STAM: variants seen among roughly 807,000 people sequenced by gnomAD.
STAM encodes signal transducing adapter molecule 1.
STAM carries 16 observed loss-of-function variants against 63.4 expected under a neutral mutation model. The ratio of observed to expected loss-of-function variants is 0.25; its 90% CI spans 0.17 to 0.38. The LOEUF (loss-of-function observed/expected upper bound fraction) is 0.38. Ranked by LOEUF, STAM falls within the 10% of genes least tolerant of loss-of-function variation. The probability of loss-of-function intolerance (pLI) is 1.00; values close to 1 mark genes in which losing one functional copy is unlikely to be tolerated. For missense variants in STAM, 636 were observed against 657.1 expected (o/e 0.97, Z 0.35); for synonymous variants, 238 against 223.9 (o/e 1.06, Z -0.56).
chr10:17,655,593 C>T (rs1394963318), intron 1 of STAM, among the ~76,000 whole-genome samples: 2 of 152,190 alleles, frequency 1.3e-5, no homozygotes, highest in Non-Finnish European at 2.9e-5. Context: ...TGCGATTAAA[C>T]TCACTTGACG....
chr10:17,671,499 A>G (rs973638183), intron 2 of STAM, among the ~76,000 whole-genome samples: 2 of 152,178 alleles, frequency 1.3e-5, no homozygotes, highest in Admixed American at 6.5e-5. Context: ...CTACTGTATC[A>G]CAATGCTTCT....
chr10:17,663,333 C>T (rs1228445910), intron 2 of STAM, among the ~76,000 whole-genome samples: 2 of 152,072 alleles, frequency 1.3e-5, no homozygotes, highest in Admixed American at 6.5e-5. Context: ...GGTTTAGACA[C>T]ATGCTCATTT....
At chr10:17,669,847 G>A (rs1230795649) in intron 2 of STAM, among the ~76,000 whole-genome samples, 4 of 148,544 alleles carry the variant, frequency 2.7e-5, no homozygotes, top group African/African-American at 5.0e-5. Flanking sequence ...ACAGGCACCC[G>A]CCCCTATGCC....
intron 5 of STAM, among the ~76,000 whole-genome samples, chr10:17,690,763 T>C (rs1554826675): frequency 6.6e-6 from 1 of 152,220 alleles, no homozygotes; most frequent in Admixed American, 6.5e-5. Flanking sequence ...AGAAAAGTGA[T>C]AAAGTCACCT....
rs3832661 is a variant in STAM, at chr10:17,714,959, T to TCCCCCCC, written c.*181_*187dup. The TCCCCCCC allele has an allele frequency of 1.7e-6, 1 of 590,440 alleles. No individual in the cohort carries two copies. Among genetic ancestry groups the TCCCCCCC allele is most frequent in the Admixed American group, 3.0e-5 (1 of 33,142 alleles). The allele number at this position is 590,440 out of a possible 1,614,324, so 36.6% of individuals were successfully genotyped here. The stretch of plus-strand genomic sequence containing the variant: ...TTTACACTGACTTTTTAGAGGTTCT[T>TCCCCCCC]CCCCCCCCGCCCCTGCAGAGGAATG... On this transcript the variant is annotated 3_prime_UTR_variant, in exon 14 of 14. Transcript: ENST00000377524.
chr10:17,683,524 A>C (rs999977659), intron 2 of STAM, among the ~76,000 whole-genome samples: 4 of 151,022 alleles, frequency 2.6e-5, no homozygotes, highest in African/African-American at 7.3e-5. Context: ...AAATTTTTTC[A>C]TTTTTTTTCT....
At chr10:17,648,198 T>A (rs908090896) in intron 1 of STAM, among the ~76,000 whole-genome samples, 1 of 152,216 alleles carries the variant, frequency 6.6e-6, no homozygotes, top group African/African-American at 2.4e-5. Context: ...AGTGGGGACT[T>A]GGAGAACTTT....
rs2131681868 is a variant in STAM, at chr10:17,704,497, C to T, written c.979C>T (p.Pro327Ser). 1 of 1,614,018 alleles carries T rather than the reference C, an allele frequency of 6.2e-7. No homozygotes were observed. Among genetic ancestry groups the T allele is most frequent in the South Asian group, 1.1e-5 (1 of 91,080 alleles). Residue 327 changes from proline to serine, a missense_variant, in exon 10 of 14, where the codon CCA (proline) becomes TCA (serine). Around this residue, in one of 3 missense-constraint regions of STAM, gnomAD observed 532 missense variants for 536.9 expected, o/e 0.99. Coordinates refer to ENST00000377524, the MANE Select transcript of STAM (RefSeq NM_003473.4). ...TDPSDDQPDLPELLHLEAMCH... is the reference protein window; with the variant it reads ...TDPSDDQPDLSELLHLEAMCH... ...CCCCAGTGATGATCAGCCAGACCTA[C>T]CAGAGCTGCTTCATCTTGAAGGTAA...
chr10:17,692,096 A>G (rs555640430), intron 5 of STAM, among the ~76,000 whole-genome samples: 4 of 152,318 alleles, frequency 2.6e-5, no homozygotes, highest in African/African-American at 9.6e-5. Context: ...CATGAGGTGT[A>G]GGTGCTATTA....
intron 2 of STAM, among the ~76,000 whole-genome samples, chr10:17,678,545 C>T (rs1402244778): frequency 1.3e-5 from 2 of 152,178 alleles, no homozygotes; most frequent in Non-Finnish European, 2.9e-5. Context: ...TGAGTCACCA[C>T]GCCCAACCTC....
intron 9 of STAM, among the ~76,000 whole-genome samples, chr10:17,702,062 T>A (rs1836022790): frequency 6.6e-6 from 1 of 152,316 alleles, no homozygotes; most frequent in South Asian, 2.1e-4. Context: ...ATAGCTTGAT[T>A]ATATGAACAA....
intron 5 of STAM, among the ~76,000 whole-genome samples, chr10:17,689,232 T>C (rs1835429741): frequency 6.6e-6 from 1 of 152,246 alleles, no homozygotes; most frequent in African/African-American, 2.4e-5. Flanking sequence ...TTTACTACAC[T>C]GTCTTTCCCC....
intron 1 of STAM, among the ~76,000 whole-genome samples, chr10:17,645,342 G>T (rs1400411171): frequency 6.6e-6 from 1 of 152,054 alleles, no homozygotes; most frequent in Non-Finnish European, 1.5e-5. Context: ...TTGTCTTTGT[G>T]TATTTTAATT....
At chr10:17,696,921 A>G in intron 8 of STAM, 52 bp downstream of exon 8, 1 of 1,468,220 alleles carries the variant, frequency 6.8e-7, no homozygotes, top group Non-Finnish European at 9.5e-7. Context: ...CCTTTTCTTA[A>G]TGGAAGTTGA....
chr10:17,681,544 T>C (rs1554825362), intron 2 of STAM, among the ~76,000 whole-genome samples: 1 of 152,244 alleles, frequency 6.6e-6, no homozygotes, highest in East Asian at 1.9e-4. Flanking sequence ...TAATATATTG[T>C]ATTATTTCTA....
chr10:17,660,321 C>A, intron 1 of STAM, 143 bp from the exon 2 acceptor site: 1 of 506,242 alleles, frequency 2.0e-6, no homozygotes, highest in South Asian at 3.9e-5. Context: ...TCAAGATGGC[C>A]ATGAAAATAA....
At chr10:17,685,699 C>G (rs1408319747) in intron 4 of STAM, among the ~76,000 whole-genome samples, 1 of 152,130 alleles carries the variant, frequency 6.6e-6, no homozygotes, top group Non-Finnish European at 1.5e-5. Flanking sequence ...GGGTCCAAAC[C>G]TATGGTGGAA....
rs149980463 is a variant in STAM, at chr10:17,700,351, A to C, written c.912+72A>C. ...TTAAATGGTTTTGCTTTAAGAAAAA[A>C]TTGATTACTTGAGTTTTTTTGTTGT... is the stretch of plus-strand genomic sequence containing the variant. On this transcript the variant is annotated intron_variant, in intron 9 of 13. Transcript: ENST00000377524. 1,872 of 1,207,064 alleles carry C rather than the reference A, an allele frequency of 1.6e-3. 18 individuals are homozygous for C. In the African/African-American group the frequency reaches 0.027, roughly 17 times the overall value. The allele number at this position is 1,207,064 out of a possible 1,614,324, so 74.8% of individuals were successfully genotyped here. A position where few individuals can be genotyped will look rare whatever the true frequency, so the allele number is the denominator to read the frequency against.
chr10:17,699,348 A>G (rs899872325), intron 8 of STAM, among the ~76,000 whole-genome samples: 1 of 152,166 alleles, frequency 6.6e-6, no homozygotes, highest in African/African-American at 2.4e-5. Flanking sequence ...CCTTTCCATC[A>G]TGATTCTTAA....
Sources: gnomAD v4.1 joint callset for allele counts (sites outside exome capture counted in the v4.1 genomes callset) on GRCh38, gnomAD v4.1.1 for gene constraint, gnomAD v4.1.1 regional missense constraint, MANE v1.5 for transcripts, NCBI Gene and HGNC (gene_info 2026-07-23, HGNC 2026-07-21) for gene names.